The following RGS8 variants were observed in gnomAD, a reference collection of about 807,000 sequenced individuals.
RGS8 encodes the protein regulator of G-protein signaling 8.
RGS8 carries 8 observed loss-of-function variants against 21.7 expected under a neutral mutation model. The observed-to-expected ratio is 0.37, with a 90% CI of 0.22 to 0.66. The LOEUF (loss-of-function observed/expected upper bound fraction) is 0.66, where lower values mean the gene tolerates loss of function less well. RGS8 is among the 30% of genes least tolerant of loss of function. RGS8 has a pLI of 0.59. For synonymous variants in RGS8, 80 were observed against 83.6 expected, an observed-to-expected ratio of 0.96 and a Z score of 0.24; for missense variants, 157 against 217.9, an observed-to-expected ratio of 0.72 and a Z score of 1.76.
the RGS8 span, among the ~76,000 whole-genome samples, chr1:182,721,224 T>C: frequency 2.6e-5 from 4 of 151,852 alleles, no homozygotes; most frequent in South Asian, 8.3e-4. Context: ...ATTTATTTAG[T>C]GCCTATCATG....
rs1172672523 is a variant in RGS8 at position 182,661,568 on chromosome 1, GAA to G, written c.193+4399_193+4400del. On this transcript the variant is annotated intron_variant, in intron 5 of 6. Coordinates refer to ENST00000483095, the Ensembl canonical transcript of RGS8. Reference sequence around the variant, plus strand: ...GGGAGGGAGGAAGGGAGGAAGGAAAGAAAGAGAGAGAATGAAGGAGATGAAGG... The same window carrying G: ...GGGAGGGAGGAAGGGAGGAAGGAAAGAGAGAGAGAATGAAGGAGATGAAGG... Among the ~76,000 whole-genome samples the G allele has an allele frequency of 3.3e-5, 5 of 151,646 alleles. No individual in the cohort carries two copies. In the South Asian group the frequency reaches 1.0e-3, roughly 32 times the overall value.
At chr1:182,702,235 A>C in the RGS8 span, among the ~76,000 whole-genome samples, 46 of 152,260 alleles carry the variant, frequency 3.0e-4, no homozygotes, top group Non-Finnish European at 5.6e-4. Context: ...AGCCATAAAA[A>C]GAACAAAATC....
chr1:182,679,215 A>G (rs1664463740), intron 1 of RGS8, among the ~76,000 whole-genome samples: 1 of 152,170 alleles, frequency 6.6e-6, no homozygotes, highest in Non-Finnish European at 1.5e-5. Flanking sequence ...AAACTGCTTG[A>G]AAGAGTCTCC....
At chr1:182,674,816 C>T (rs1392425221), upstream of RGS8, among the ~76,000 whole-genome samples, 1 of 152,174 alleles carries the variant, frequency 6.6e-6, no homozygotes. Context: ...TTGCTAGCTG[C>T]AGTTGGCACA....
intron 5 of RGS8, among the ~76,000 whole-genome samples, chr1:182,651,141 C>T (rs1287938005): frequency 1.3e-5 from 2 of 152,142 alleles, no homozygotes; most frequent in East Asian, 1.9e-4. Flanking sequence ...AACAATGACA[C>T]GGCAATGTTT....
At chr1:182,650,247 A>G (rs537775032) in intron 5 of RGS8, among the ~76,000 whole-genome samples, 1 of 152,334 alleles carries the variant, frequency 6.6e-6, no homozygotes, top group African/African-American at 2.4e-5. Context: ...TGACCTGGGC[A>G]TCTGACGTCC....
chr1:182,690,830 A>G, the RGS8 span, among the ~76,000 whole-genome samples: 1 of 152,162 alleles, frequency 6.6e-6, no homozygotes, highest in Non-Finnish European at 1.5e-5. Flanking sequence ...CCCTGACTCT[A>G]GGTTTAGCTA....
the RGS8 span, among the ~76,000 whole-genome samples, chr1:182,707,294 T>C: frequency 6.6e-6 from 1 of 152,216 alleles, no homozygotes. Context: ...TGTACTTTGC[T>C]GTGCTGGGAG....
At chr1:182,664,001 A>G (rs551238906) in intron 5 of RGS8, among the ~76,000 whole-genome samples, 4 of 152,202 alleles carry the variant, frequency 2.6e-5, no homozygotes, top group Non-Finnish European at 4.4e-5. Context: ...TCTCCATCTC[A>G]GAAAAGTGTC....
the RGS8 span, among the ~76,000 whole-genome samples, chr1:182,744,158 GTTGT>G: frequency 6.6e-6 from 1 of 152,210 alleles, no homozygotes; most frequent in East Asian, 1.9e-4. Flanking sequence ...AAAATCCAAT[GTTGT>G]TTGTTTGTTT....
Position 182,648,917 on chromosome 1 carries a change from A to G in RGS8, c.194-614T>C, listed in dbSNP as rs191177293. ...GGAGTTCGAGACCAGCCTGGCCAAC[A>G]TGGCAAAACGTCATCTCTACTAAAT... On this transcript the variant is annotated intron_variant, in intron 5 of 6. Transcript: ENST00000483095. 1.1e-3 allele frequency among the ~76,000 whole-genome samples: 173 copies of G among 152,262 alleles called. 1 individual carries two copies. The highest frequency in any genetic ancestry group is 3.9e-3 in the African/African-American group (163 of 41,546).
At chr1:182,704,491 G>A in the RGS8 span, among the ~76,000 whole-genome samples, 2 of 152,198 alleles carry the variant, frequency 1.3e-5, no homozygotes, top group East Asian at 1.9e-4. Flanking sequence ...CTCCACAGAA[G>A]AAAAGTGTGC....
At chr1:182,741,172 CCGGG>C in the RGS8 span, among the ~76,000 whole-genome samples, 2 of 145,236 alleles carry the variant, frequency 1.4e-5, no homozygotes, top group African/African-American at 5.1e-5. Flanking sequence ...GGGCGGCTGG[CCGGG>C]TGGGGGGCTG....
At position 182,671,746 on chromosome 1, in the gene RGS8, ATCTT is replaced by A. The variant is rs1328972515; in HGVS notation, c.-177-20_-177-17del. ...TTAAGGTGTTCTGGGGAAAAAGTAGATCTTTCTTTTAGCAGTCAAATCCTCGGCG... is the reference window on the plus strand; with the variant it reads ...TTAAGGTGTTCTGGGGAAAAAGTAGATCTTTTAGCAGTCAAATCCTCGGCG... On this transcript the variant is annotated splice_polypyrimidine_tract_variant and intron_variant, in intron 1 of 6. Transcript: ENST00000483095. 4.3e-6 allele frequency: 7 copies of A among 1,613,826 alleles called. No individual in the cohort carries two copies.
the RGS8 span, among the ~76,000 whole-genome samples, chr1:182,724,115 A>G: frequency 5.4e-5 from 8 of 147,962 alleles, no homozygotes; most frequent in South Asian, 2.2e-4. Flanking sequence ...CCCACCCTCA[A>G]TCTGGGTGGG....
the RGS8 span, among the ~76,000 whole-genome samples, chr1:182,721,892 G>A: frequency 4.6e-5 from 7 of 152,308 alleles, no homozygotes; most frequent in Non-Finnish European, 8.8e-5. Context: ...ACAATTCCTA[G>A]CAGATAATTT....
At chr1:182,697,375 C>T in the RGS8 span, among the ~76,000 whole-genome samples, 3 of 152,248 alleles carry the variant, frequency 2.0e-5, no homozygotes, top group Non-Finnish European at 2.9e-5. Context: ...ACTCAATTTT[C>T]GCCCCTTAGG....
chr1:182,662,782 C>G (rs1424295079), intron 5 of RGS8, among the ~76,000 whole-genome samples: 1 of 152,212 alleles, frequency 6.6e-6, no homozygotes, highest in Non-Finnish European at 1.5e-5. Flanking sequence ...AGGCTGCATT[C>G]TCCACCAGAG....
At chr1:182,657,301 G>C (rs563900633) in intron 5 of RGS8, among the ~76,000 whole-genome samples, 10 of 151,878 alleles carry the variant, frequency 6.6e-5, no homozygotes, top group African/African-American at 2.4e-4. Context: ...CTGTTCTCCT[G>C]TTCTCTTTCC....
Sources: allele counts gnomAD v4.1 joint callset (sites outside exome capture counted in the v4.1 genomes callset), GRCh38; gene constraint gnomAD v4.1.1; transcripts MANE v1.5; gene names NCBI Gene and HGNC (gene_info 2026-07-23, HGNC 2026-07-21).